Variants in SOCS2 observed in about 807,000 individuals in gnomAD.
The protein encoded by SOCS2 is CIS-2.
SOCS2 carries 10 observed loss-of-function variants against 18.6 expected under a neutral mutation model. That is an observed-to-expected ratio of 0.54 (90% CI 0.33 to 0.91). SOCS2 has a LOEUF of 0.91. SOCS2 is among the 40% of genes least tolerant of loss of function. The pLI is 0.02. For missense variants in SOCS2, 231 were observed against 247.2 expected, an observed-to-expected ratio of 0.93 and a Z score of 0.44; for synonymous variants, 104 against 104.0, an observed-to-expected ratio of 1.00 and a Z score of 0.00.
At chr12:93,596,823 G>C in the SOCS2 span, among the ~76,000 whole-genome samples, 1 of 152,086 alleles carries the variant, frequency 6.6e-6, no homozygotes, top group South Asian at 2.1e-4. Flanking sequence ...GCAAGACCCT[G>C]TCTCAAACAA....
At position 93,575,090 on chromosome 12, in the gene SOCS2, A is replaced by T. The variant is rs186564713; in HGVS notation, c.508A>T (p.Thr170Ser). 41 of 1,612,724 alleles carry T rather than the reference A, an allele frequency of 2.5e-5. No individual in the cohort carries two copies. The Middle Eastern group carries it at 4.9e-4, about 19-fold the overall frequency. Residue 170 changes from threonine to serine, a missense_variant, in exon 2 of 2, where the codon ACC becomes TCC. Physicochemically the swap from Thr to Ser is moderately conservative, Grantham distance 58 (BLOSUM62 1). Transcript: ENST00000551556. Reference protein sequence around the residue: ...APSLQHLCRLTINKCTGAIWG... With the variant: ...APSLQHLCRLSINKCTGAIWG... ...ATCTCTGCAGCATCTCTGTAGGCTC[A>T]CCATTAACAAATGTACCGGTGCCAT... is the stretch of plus-strand genomic sequence containing the variant.
Position 93,576,145 on chromosome 12 carries a change from TTA to T in SOCS2, c.*968_*969del, listed in dbSNP as rs1353018202. 1 of 152,670 alleles carries T rather than the reference TTA, an allele frequency of 6.6e-6. No homozygotes were observed. Among genetic ancestry groups the T allele is most frequent in the African/African-American group, 2.4e-5 (1 of 41,458 alleles). 9.5% of individuals were successfully genotyped at this position (152,670 alleles called of 1,614,324 possible). A position where few individuals can be genotyped will look rare whatever the true frequency, so the allele number is the denominator to read the frequency against. ...GATACCTGCCTGTTTTTCAAAGTGT[TTA>T]TTTACTGCTGTTACTATTTGATTAG... On this transcript the variant is annotated 3_prime_UTR_variant, in exon 2 of 2. Transcript: ENST00000551556.
chr12:93,599,891 A>C, the SOCS2 span, among the ~76,000 whole-genome samples: 4 of 152,354 alleles, frequency 2.6e-5, no homozygotes, highest in East Asian at 7.7e-4. Context: ...GTGAGAAATA[A>C]AATTCTTCAT....
At chr12:93,580,263 T>G (rs1174564517), downstream of SOCS2, among the ~76,000 whole-genome samples, 1 of 152,142 alleles carries the variant, frequency 6.6e-6, no homozygotes, top group Admixed American at 6.5e-5. Flanking sequence ...CTTCTGTTAG[T>G]TTGGTATCCT....
the SOCS2 span, among the ~76,000 whole-genome samples, chr12:93,604,819 T>C: frequency 4.0e-5 from 6 of 151,698 alleles, no homozygotes; most frequent in Non-Finnish European, 8.8e-5. Flanking sequence ...GCCCCACACC[T>C]GGCTGATATT....
chr12:93,603,232 A>G, the SOCS2 span, among the ~76,000 whole-genome samples: 4 of 152,220 alleles, frequency 2.6e-5, no homozygotes, highest in Non-Finnish European at 5.9e-5. Context: ...TCTTAACAAC[A>G]ACAGTAAAAA....
the SOCS2 span, among the ~76,000 whole-genome samples, chr12:93,626,028 C>A: frequency 1.3e-5 from 2 of 152,088 alleles, no homozygotes; most frequent in Non-Finnish European, 2.9e-5. Context: ...CAATTGGGAC[C>A]CAAGGTGGAC....
the SOCS2 span, among the ~76,000 whole-genome samples, chr12:93,610,205 T>C: frequency 2.0e-5 from 3 of 152,236 alleles, no homozygotes; most frequent in Admixed American, 2.0e-4. Context: ...TCTCAGACTT[T>C]AGCACACATA....
At chr12:93,590,930 C>T in the SOCS2 span, among the ~76,000 whole-genome samples, 2 of 149,770 alleles carry the variant, frequency 1.3e-5, no homozygotes, top group Non-Finnish European at 2.9e-5. Context: ...AGAGTGATTA[C>T]CTGGTAATAT....
chr12:93,579,309 A>G (rs1279382166), downstream of SOCS2, among the ~76,000 whole-genome samples: 1 of 152,210 alleles, frequency 6.6e-6, no homozygotes, highest in Non-Finnish European at 1.5e-5. Context: ...CTCCAGTGAA[A>G]GAGGATAATT....
the SOCS2 span, among the ~76,000 whole-genome samples, chr12:93,621,654 A>ATT: frequency 6.7e-6 from 1 of 150,092 alleles, no homozygotes. Context: ...TTAAAAAAAA[A>ATT]TTTTTTTTTT....
At chr12:93,580,844 G>A (rs1954530703), downstream of SOCS2, among the ~76,000 whole-genome samples, 1 of 152,054 alleles carries the variant, frequency 6.6e-6, no homozygotes, top group Admixed American at 6.6e-5. Flanking sequence ...TTGCATATTG[G>A]ATTAGAGCAT....
chr12:93,605,008 A>T, the SOCS2 span, among the ~76,000 whole-genome samples: 1 of 151,234 alleles, frequency 6.6e-6, no homozygotes, highest in African/African-American at 2.4e-5. Flanking sequence ...ATAGGGTAAA[A>T]TTTTTAGGAA....
At chr12:93,618,722 T>C in the SOCS2 span, among the ~76,000 whole-genome samples, 2 of 152,238 alleles carry the variant, frequency 1.3e-5, no homozygotes, top group African/African-American at 4.8e-5. Context: ...AGCCATTCTA[T>C]GTCATTGTCT....
At chr12:93,597,961 T>C in the SOCS2 span, among the ~76,000 whole-genome samples, 17 of 152,328 alleles carry the variant, frequency 1.1e-4, no homozygotes, top group Admixed American at 2.0e-4. Flanking sequence ...AACAAATATA[T>C]ATTGAGTGCC....
chr12:93,614,430 C>CCTTCCTTCCTTCCTTT, the SOCS2 span, among the ~76,000 whole-genome samples: 6 of 17,964 alleles, frequency 3.3e-4, no homozygotes, highest in African/African-American at 2.0e-3. Context: ...CCTTTCTTTC[C>CCTTCCTTCCTTCCTTT]CTTCCTTCCT....
chr12:93,618,432 C>T, the SOCS2 span, among the ~76,000 whole-genome samples: 2 of 152,166 alleles, frequency 1.3e-5, no homozygotes, highest in Non-Finnish European at 2.9e-5. Context: ...TCCTGACACT[C>T]TTAAAGTCCA....
At chr12:93,597,472 C>T in the SOCS2 span, among the ~76,000 whole-genome samples, 1 of 152,056 alleles carries the variant, frequency 6.6e-6, no homozygotes, top group Non-Finnish European at 1.5e-5. Flanking sequence ...TGCGCCACCA[C>T]ACCCGCCTAA....
the SOCS2 span, among the ~76,000 whole-genome samples, chr12:93,614,473 T>TC: frequency 3.8e-4 from 35 of 91,204 alleles, 1 homozygote; most frequent in Admixed American, 1.1e-3. Flanking sequence ...CTTCCTTCCT[T>TC]CCTTCCTTTC....
Sources: allele counts gnomAD v4.1 joint callset (sites outside exome capture counted in the v4.1 genomes callset), GRCh38; gene constraint gnomAD v4.1.1; transcripts MANE v1.5; gene names NCBI Gene and HGNC (gene_info 2026-07-23, HGNC 2026-07-21).